Variants in TMEM178A observed in about 807,000 individuals in gnomAD.
TMEM178A encodes the protein transmembrane protein 178.
Under a neutral mutation model 29.1 loss-of-function variants are expected in TMEM178A, and 12 were observed. The ratio of observed to expected loss-of-function variants is 0.41; its 90% CI spans 0.26 to 0.67. TMEM178A has a LOEUF of 0.67. Ranked by LOEUF, TMEM178A falls within the 30% of genes least tolerant of loss-of-function variation. The probability of loss-of-function intolerance (pLI) is 0.29; values close to 1 mark genes in which losing one functional copy is unlikely to be tolerated. For missense variants in TMEM178A, 366 were observed against 419.1 expected (o/e 0.87, Z 1.11); for synonymous variants, 210 against 187.2 (o/e 1.12, Z -0.99).
Position 39,704,195 on chromosome 2 carries a change from G to A in TMEM178A, c.514+1G>A. On this transcript the variant is annotated splice_donor_variant, in intron 2 of 3. Transcript: ENST00000281961. LOFTEE classifies it high-confidence loss of function. ...CAGCAAGATGAGTGGCACCTGCTTC[G>A]TAAGTATTTCCAGGAGAGGTTCAGA... 2 of 1,612,938 alleles carry A rather than the reference G, an allele frequency of 1.2e-6. No homozygotes were observed. Among genetic ancestry groups the A allele is most frequent in the Non-Finnish European group, 1.7e-6 (2 of 1,179,010 alleles).
At chr2:39,707,321 G>A (rs999675328) in intron 3 of TMEM178A, 135 bp downstream of exon 3, 73 of 1,133,864 alleles carry the variant, frequency 6.4e-5, no homozygotes, top group Non-Finnish European at 7.9e-5. Context: ...GGTCATTTTG[G>A]CTTTGCTGGA....
chr2:39,716,080 G>A (rs1473887911), intron 3 of TMEM178A, among the ~76,000 whole-genome samples: 1 of 152,194 alleles, frequency 6.6e-6, no homozygotes, highest in Non-Finnish European at 1.5e-5. Context: ...AGACTATGAA[G>A]AAGAGATGTG....
At chr2:39,731,897 T>C in the TMEM178A span, among the ~76,000 whole-genome samples, 1 of 152,292 alleles carries the variant, frequency 6.6e-6, no homozygotes, top group Middle Eastern at 3.4e-3. Flanking sequence ...GGTAGGGCAC[T>C]GGGCAGGCAA....
At chr2:39,708,235 GA>G (rs376316107) in intron 3 of TMEM178A, among the ~76,000 whole-genome samples, 9 of 152,070 alleles carry the variant, frequency 5.9e-5, no homozygotes, top group Non-Finnish European at 1.3e-4. Context: ...TGCCAAACCT[GA>G]GAGAAGCGGC....
chr2:39,716,163 C>T (rs2716710), intron 3 of TMEM178A, among the ~76,000 whole-genome samples: 3,615 of 152,328 alleles, frequency 0.024, 156 homozygotes, highest in African/African-American at 0.083. Context: ...ACTCACCACA[C>T]TCTGATCCTC....
intron 1 of TMEM178A, among the ~76,000 whole-genome samples, chr2:39,703,649 T>C (rs1015259922): frequency 6.6e-6 from 1 of 152,222 alleles, no homozygotes; most frequent in Non-Finnish European, 1.5e-5. Context: ...GTTATCTTTA[T>C]GGAAAAATGT....
intron 1 of TMEM178A, among the ~76,000 whole-genome samples, chr2:39,688,472 C>T (rs1020661364): frequency 1.3e-5 from 2 of 152,224 alleles, no homozygotes; most frequent in African/African-American, 4.8e-5. Flanking sequence ...TTGGCTTCTT[C>T]CTACCATGAG....
the TMEM178A span, among the ~76,000 whole-genome samples, chr2:39,728,301 T>G: frequency 6.6e-6 from 1 of 152,226 alleles, no homozygotes; most frequent in African/African-American, 2.4e-5. Context: ...TGCATTTCTC[T>G]GAGACTTAGC....
At chr2:39,670,679 A>G (rs1464517618) in intron 1 of TMEM178A, among the ~76,000 whole-genome samples, 2 of 152,226 alleles carry the variant, frequency 1.3e-5, no homozygotes, top group Non-Finnish European at 2.9e-5. Context: ...AACATTATGT[A>G]ATGCTTCTTT....
intron 1 of TMEM178A, among the ~76,000 whole-genome samples, chr2:39,700,791 T>C (rs568217522): frequency 1.3e-5 from 2 of 152,108 alleles, no homozygotes; most frequent in African/African-American, 2.4e-5. Context: ...TTTTCTAATA[T>C]GGCTTTTTAA....
chr2:39,698,028 CCAATCTCCTT>C (rs1351666010), intron 1 of TMEM178A: 1 of 152,232 alleles, frequency 6.6e-6, no homozygotes, highest in African/African-American at 2.4e-5. Context: ...TGTCGCCAAT[CCAATCTCCTT>C]CAATTAAGAA....
chr2:39,682,105 C>G (rs1351828490), intron 1 of TMEM178A, among the ~76,000 whole-genome samples: 1 of 152,170 alleles, frequency 6.6e-6, no homozygotes, highest in Non-Finnish European at 1.5e-5. Flanking sequence ...TATTTTATGA[C>G]TTACTTGGAG....
intron 1 of TMEM178A, among the ~76,000 whole-genome samples, chr2:39,682,504 T>A (rs77933577): frequency 0.042 from 6,353 of 152,190 alleles, 388 homozygotes; most frequent in African/African-American, 0.13. Context: ...TCCACTTTGC[T>A]GCTTCTGCTG....
At chr2:39,714,653 G>A (rs576285312) in intron 3 of TMEM178A, among the ~76,000 whole-genome samples, 1 of 152,214 alleles carries the variant, frequency 6.6e-6, no homozygotes, top group Non-Finnish European at 1.5e-5. Context: ...ATGACACTGA[G>A]AGCAGAGAGA....
intron 1 of TMEM178A, among the ~76,000 whole-genome samples, chr2:39,684,102 G>C (rs749946161): frequency 6.6e-6 from 1 of 152,084 alleles, no homozygotes. Flanking sequence ...CTAGCCTTTT[G>C]TGTCATGTTA....
chr2:39,673,993 C>T (rs1204715405), intron 1 of TMEM178A, among the ~76,000 whole-genome samples: 3 of 152,132 alleles, frequency 2.0e-5, no homozygotes, highest in African/African-American at 7.2e-5. Flanking sequence ...TGGGGGCAGG[C>T]TGCTGGTTAA....
chr2:39,707,145 G>A lies in TMEM178A; in HGVS notation c.611G>A (p.Ser204Asn), dbSNP rs761681171. 8.1e-6 allele frequency: 13 copies of A among 1,614,038 alleles called. No homozygotes were observed. Among genetic ancestry groups the A allele is most frequent in the Non-Finnish European group, 1.0e-5 (12 of 1,180,032 alleles). ...ACAGTCAGTTTCTTCTGGGAGGAGA[G>A]CTTGACCCAGCACGTGGCTGGACTC... is the stretch of plus-strand genomic sequence containing the variant. ...VATVSFFWEE[S>N]LTQHVAGLLF... Residue 204 changes from serine to asparagine, a missense_variant, in exon 3 of 4, where the codon AGC becomes AAC. This residue lies in a region of TMEM178A where 119 missense variants were observed against 172.2 expected (regional missense o/e 0.69). Coordinates refer to ENST00000281961, the MANE Select transcript of TMEM178A (RefSeq NM_152390.3).
At chr2:39,685,962 A>G (rs1671060002) in intron 1 of TMEM178A, among the ~76,000 whole-genome samples, 1 of 152,258 alleles carries the variant, frequency 6.6e-6, no homozygotes, top group Admixed American at 6.5e-5. Context: ...GTCTGAAACC[A>G]GCCAGGCTGT....
intron 1 of TMEM178A, among the ~76,000 whole-genome samples, chr2:39,682,830 T>C (rs1272649721): frequency 6.6e-6 from 1 of 152,158 alleles, no homozygotes; most frequent in Non-Finnish European, 1.5e-5. Flanking sequence ...CTCAGAAATA[T>C]AAATGGGTCA....
Sources: allele counts gnomAD v4.1 joint callset (sites outside exome capture counted in the v4.1 genomes callset), GRCh38; gene constraint gnomAD v4.1.1; regional missense constraint gnomAD v4.1.1; transcripts MANE v1.5; gene names NCBI Gene and HGNC (gene_info 2026-07-23, HGNC 2026-07-21).